DNM2: variants seen among roughly 807,000 people sequenced by gnomAD.
The protein encoded by DNM2 is dynamin 2.
A neutral mutation model predicts 99.0 loss-of-function variants in DNM2; 15 were observed. The ratio of observed to expected loss-of-function variants is 0.15; its 90% confidence interval spans 0.10 to 0.23. DNM2 has a LOEUF of 0.23. Ranked by LOEUF, DNM2 falls within the 10% of genes least tolerant of loss-of-function variation. The pLI is 1.00. For missense variants in DNM2, 742 were observed against 1,189.4 expected (o/e 0.62, Z 5.53); for synonymous variants, 525 against 481.2 (o/e 1.09, Z -1.19).
chr19:10,816,070 C>G lies in DNM2; in HGVS notation c.1671+3693C>G, dbSNP rs2072728801. Among the ~76,000 whole-genome samples, 1 of 152,132 alleles carries G rather than the reference C, an allele frequency of 6.6e-6. No homozygotes were observed. The highest frequency in any genetic ancestry group is 2.4e-5 in the African/African-American group (1 of 41,442). ...TATTCGGGTGGCTCTGTGGTCACCC[C>G]CATCTAAGGCTCTGAGCGGTGACTT... On this transcript the variant is annotated intron_variant, in intron 15 of 20. Transcript: ENST00000389253. This position sits in a 1 kb window ranked among gnomAD's most constrained non-coding sequence, Gnocchi z 4.6.
Position 10,829,017 on chromosome 19 carries a change from C to T in DNM2, c.2059-19C>T, listed in dbSNP as rs944600881. On this transcript the variant is annotated intron_variant, in intron 18 of 20. Coordinates refer to ENST00000389253, the MANE Select transcript of DNM2 (RefSeq NM_001005361.3). ...TGGGGTGATACACAAGCCTGACCCT[C>T]CCCAACCCCTGCCCGCAGACGAAGG... is the stretch of plus-strand genomic sequence containing the variant. 6.2e-6 allele frequency: 10 copies of T among 1,609,456 alleles called. No homozygotes were observed. The East Asian group carries it at 1.8e-4, about 29-fold the overall frequency.
intron 2 of DNM2, among the ~76,000 whole-genome samples, chr19:10,760,385 C>G (rs1185594116): frequency 6.6e-6 from 1 of 152,050 alleles, no homozygotes; most frequent in Admixed American, 6.6e-5. Context: ...TTTTGCTGAA[C>G]GCTTTCAAAG....
In DNM2 at chr19:10,795,610, G is replaced by A. The variant is rs1255877438; in HGVS notation, c.1196+171G>A. The A allele has an allele frequency of 1.4e-6, 1 of 714,872 alleles. No homozygotes were observed. Among genetic ancestry groups the A allele is most frequent in the Non-Finnish European group, 2.4e-6 (1 of 409,760 alleles). The allele number at this position is 714,872 out of a possible 1,614,324, so 44.3% of individuals were successfully genotyped here. The stretch of plus-strand genomic sequence containing the variant: ...CTGAGGGTCTCCAAGGGCACATGAG[G>A]GTGGATGTGTCTTAGTCCTGCGTCC... On this transcript the variant is annotated intron_variant, in intron 9 of 20. Transcript: ENST00000389253. This position sits in a 1 kb window ranked among gnomAD's most constrained non-coding sequence, Gnocchi z 4.2.
intron 1 of DNM2, among the ~76,000 whole-genome samples, chr19:10,740,517 A>G (rs2069706631): frequency 3.9e-5 from 6 of 152,020 alleles, no homozygotes; most frequent in Admixed American, 2.6e-4. Flanking sequence ...CTGGGACTAC[A>G]GGCACCCACC....
At chr19:10,799,416 A>T (rs938449291) in intron 11 of DNM2, among the ~76,000 whole-genome samples, 1 of 146,324 alleles carries the variant, frequency 6.8e-6, no homozygotes, top group African/African-American at 2.5e-5. Context: ...TGTTTGTTGT[A>T]TCTGTAGTTT....
At position 10,777,206 on chromosome 19, in the gene DNM2, G is replaced by C; in HGVS notation, c.678G>C (p.Pro226=). Residue 226 remains proline, a synonymous_variant, in exon 5 of 21, where the codon CCG becomes CCC. Transcript: ENST00000389253. The part of the protein sequence containing the change: ...ARDVLENKLL[P]LRRGYIGVVN... ...ACGTCTTGGAGAACAAGTTGCTCCC[G>C]TTGAGAAGAGGTGTGGCTTTGGGGG... is the stretch of plus-strand genomic sequence containing the variant. 1 of 1,614,164 alleles carries C rather than the reference G, an allele frequency of 6.2e-7. No homozygotes were observed. The highest frequency in any genetic ancestry group is 1.1e-5 in the South Asian group (1 of 91,078).
chr19:10,767,154 T>C (rs956168226), intron 2 of DNM2, among the ~76,000 whole-genome samples: 1 of 151,164 alleles, frequency 6.6e-6, no homozygotes, highest in Non-Finnish European at 1.5e-5. Flanking sequence ...GCTGCTGCTG[T>C]GGACAAGTTG....
intron 2 of DNM2, among the ~76,000 whole-genome samples, chr19:10,762,429 C>T (rs1232313040): frequency 1.3e-5 from 2 of 152,152 alleles, no homozygotes; most frequent in East Asian, 1.9e-4. Flanking sequence ...AGGCTTGGAG[C>T]GGAGACTGCC....
chr19:10,759,983 C>A (rs1413154510), intron 2 of DNM2, among the ~76,000 whole-genome samples, 172 bp downstream of exon 2: 1 of 152,050 alleles, frequency 6.6e-6, no homozygotes, highest in Non-Finnish European at 1.5e-5. Flanking sequence ...ACTTACACAC[C>A]CACACTGCAA....
At position 10,797,518 on chromosome 19, in the gene DNM2, G is replaced by A; in HGVS notation, c.1335G>A (p.Lys445=). Residue 445 remains lysine, a splice_region_variant and synonymous_variant, in exon 10 of 21, where the codon AAG becomes AAA. Transcript: ENST00000389253. ...LATVIKKCAE[K]LSSYPRLREE... ...CGGTCATAAAAAAGTGTGCCGAGAAGGTAACAGGTTTTGTTCTCATCTCCG... is the reference window on the plus strand; with the variant it reads ...CGGTCATAAAAAAGTGTGCCGAGAAAGTAACAGGTTTTGTTCTCATCTCCG... The A allele has an allele frequency of 6.2e-7, 1 of 1,614,040 alleles. No individual in the cohort carries two copies. The highest frequency in any genetic ancestry group is 8.5e-7 in the Non-Finnish European group (1 of 1,180,020).
Position 10,830,141 on chromosome 19 carries a change from G to A in DNM2, c.2306G>A (p.Arg769His), listed in dbSNP as rs747108670. 9 of 1,613,674 alleles carry A rather than the reference G, an allele frequency of 5.6e-6. No homozygotes were observed. The highest frequency in any genetic ancestry group is 5.3e-5 in the African/African-American group (4 of 74,850). ...CTTCCTCACAGCCCCACTCCACAGCGCCGACCGGTGTCCAGCATACACCCC... is the reference window on the plus strand; with the variant it reads ...CTTCCTCACAGCCCCACTCCACAGCACCGACCGGTGTCCAGCATACACCCC... Reference protein sequence around the residue: ...SASSHSPTPQRRPVSSIHPPG... With the variant: ...SASSHSPTPQHRPVSSIHPPG... Residue 769 changes from arginine to histidine, a missense_variant, in exon 20 of 21, where the codon CGC becomes CAC. By Grantham distance (29) the Arg-to-His change is conservative. Coordinates refer to ENST00000389253, the MANE Select transcript of DNM2 (RefSeq NM_001005361.3). This position sits in a 1 kb window ranked among gnomAD's most constrained non-coding sequence, Gnocchi z 4.8.
At chr19:10,747,733 T>C (rs1297165004) in intron 1 of DNM2, among the ~76,000 whole-genome samples, 1 of 152,010 alleles carries the variant, frequency 6.6e-6, no homozygotes, top group African/African-American at 2.4e-5. Context: ...GCCACTCTAA[T>C]AGGATGTTGA....
chr19:10,817,036 G>A lies in DNM2; in HGVS notation c.1672-2944G>A, dbSNP rs1322975571. ...CAAAGCAGGCTCCATTCAGGAGGGG[G>A]CAGCCATGGAACCTGACCCCCGCCA... On this transcript the variant is annotated intron_variant, in intron 15 of 20. Coordinates refer to ENST00000389253, the MANE Select transcript of DNM2 (RefSeq NM_001005361.3). The surrounding 1 kb of genome is among the most constrained non-coding windows in gnomAD (Gnocchi z 4.6). Among the ~76,000 whole-genome samples, 1 of 152,162 alleles carries A rather than the reference G, an allele frequency of 6.6e-6. No homozygotes were observed. Among genetic ancestry groups the A allele is most frequent in the African/African-American group, 2.4e-5 (1 of 41,436 alleles).
rs1207299226 is a variant in DNM2 at position 10,817,764 on chromosome 19, T to G, written c.1672-2216T>G. On this transcript the variant is annotated intron_variant, in intron 15 of 20. Transcript: ENST00000389253. This position sits in a 1 kb window ranked among gnomAD's most constrained non-coding sequence, Gnocchi z 4.6. ...GGCTCAGGAGGAATGTCTGACTCTT[T>G]GGGGGTCGGGGGTGGGGAGGAGGGG... 2.6e-5 allele frequency among the ~76,000 whole-genome samples: 2 copies of G among 75,540 alleles called. No individual in the cohort carries two copies. The highest frequency in any genetic ancestry group is 2.5e-5 in the Non-Finnish European group (1 of 39,904). 49.6% of individuals were successfully genotyped at this position (75,540 alleles called of 152,430 possible).
intron 18 of DNM2, among the ~76,000 whole-genome samples, chr19:10,827,555 G>A (rs537671737): frequency 5.9e-5 from 9 of 151,922 alleles, no homozygotes; most frequent in African/African-American, 1.9e-4. Flanking sequence ...AGTGATAGGA[G>A]TGAGACCCTA....
chr19:10,753,378 T>A (rs965764201), intron 1 of DNM2, among the ~76,000 whole-genome samples: 1 of 146,520 alleles, frequency 6.8e-6, no homozygotes, highest in Non-Finnish European at 1.5e-5. Flanking sequence ...CTGTACCTTT[T>A]CCTTCCCCTT....
At position 10,812,126 on chromosome 19, in the gene DNM2, G is replaced by A; in HGVS notation, c.1558-138G>A. 1.4e-6 allele frequency: 1 copy of A among 695,156 alleles called. No individual in the cohort carries two copies. The highest frequency in any genetic ancestry group is 1.5e-5 in the South Asian group (1 of 67,510). The allele number at this position is 695,156 out of a possible 1,614,324, so 43.1% of individuals were successfully genotyped here. On this transcript the variant is annotated intron_variant, in intron 14 of 20. Transcript: ENST00000389253. The surrounding 1 kb of genome is among the most constrained non-coding windows in gnomAD (Gnocchi z 4.0). ...AAATGCTTGGGACAGGGTGGAACTG[G>A]GTTTCCTGGGCTTTGGGGCTGGAGG...
intron 13 of DNM2, among the ~76,000 whole-genome samples, chr19:10,807,182 C>T (rs146635532): frequency 0.033 from 5,059 of 152,178 alleles, 239 homozygotes; most frequent in African/African-American, 0.11. Context: ...AAGCGATTCT[C>T]CTGGTTCAGC....
At chr19:10,822,891 G>A (rs2073023087) in intron 16 of DNM2, among the ~76,000 whole-genome samples, 1 of 151,916 alleles carries the variant, frequency 6.6e-6, no homozygotes, top group Non-Finnish European at 1.5e-5. Context: ...TAGGTCACGA[G>A]GTCAGAAGAT....
Sources: gnomAD v4.1 joint callset for allele counts (sites outside exome capture counted in the v4.1 genomes callset) on GRCh38, gnomAD v4.1.1 for gene constraint, Gnocchi (gnomAD v3.1) non-coding constraint, MANE v1.5 for transcripts, NCBI Gene and HGNC (gene_info 2026-07-23, HGNC 2026-07-21) for gene names.